Variants in MIB1 observed in about 807,000 individuals in gnomAD.
MIB1 encodes the protein MIB E3 ubiquitin protein ligase 1, also known as E3 ubiquitin-protein ligase MIB1.
Under a neutral mutation model 124.5 loss-of-function variants are expected in MIB1, and 278 were observed. The ratio of observed to expected loss-of-function variants is 2.23; its 90% CI spans 2.02 to 2.47. The LOEUF (loss-of-function observed/expected upper bound fraction) is 2.47, where lower values mean the gene tolerates loss of function less well. MIB1 is among the 30% of genes most tolerant of loss of function. MIB1 has a pLI of 0.00. For missense variants in MIB1, 957 were observed against 1,254.4 expected (o/e 0.76, Z 3.58); for synonymous variants, 446 against 429.4 (o/e 1.04, Z -0.48).
intron 11 of MIB1, among the ~76,000 whole-genome samples, chr18:21,818,052 A>G (rs935934369): frequency 2.3e-4 from 35 of 152,360 alleles, no homozygotes; most frequent in Admixed American, 2.6e-4. Context: ...GCTTGAAAAA[A>G]TGGTAGACTG....
intron 8 of MIB1, among the ~76,000 whole-genome samples, chr18:21,798,541 T>C (rs374323167): frequency 6.6e-6 from 1 of 152,172 alleles, no homozygotes; most frequent in East Asian, 1.9e-4. Flanking sequence ...TTCTACTCTT[T>C]AGTCAGAACT....
intron 1 of MIB1, among the ~76,000 whole-genome samples, chr18:21,747,270 G>A (rs1467702161): frequency 6.6e-6 from 1 of 152,202 alleles, no homozygotes; most frequent in Non-Finnish European, 1.5e-5. Flanking sequence ...AATAGTCCCT[G>A]TAGATTGCAG....
chr18:21,836,623 C>G (rs150431359), intron 12 of MIB1, among the ~76,000 whole-genome samples: 4 of 152,252 alleles, frequency 2.6e-5, no homozygotes, highest in Admixed American at 2.0e-4. Flanking sequence ...ACTACCATTC[C>G]TTTCAACATG....
intron 14 of MIB1, among the ~76,000 whole-genome samples, chr18:21,843,742 C>G (rs2042111407): frequency 6.6e-6 from 1 of 152,058 alleles, no homozygotes; most frequent in Non-Finnish European, 1.5e-5. Context: ...TGATTTGGTC[C>G]TGGTGGAAGT....
chr18:21,810,178 GA>G (rs1200819456), intron 10 of MIB1, among the ~76,000 whole-genome samples: 1 of 151,998 alleles, frequency 6.6e-6, no homozygotes, highest in Non-Finnish European at 1.5e-5. Flanking sequence ...ACTTAGGCAT[GA>G]ACTTAACGAA....
chr18:21,779,031 G>C (rs1375469244), intron 5 of MIB1, among the ~76,000 whole-genome samples: 1 of 152,000 alleles, frequency 6.6e-6, no homozygotes. Context: ...AAGCTCTTTA[G>C]GGCAAGAATC....
chr18:21,785,049 G>A (rs1190419670), intron 6 of MIB1, among the ~76,000 whole-genome samples: 4 of 152,100 alleles, frequency 2.6e-5, no homozygotes, highest in African/African-American at 9.7e-5. Flanking sequence ...TGATCTCTCC[G>A]AAAAATGCGT....
At chr18:21,750,112 A>C (rs548917376) in intron 1 of MIB1, among the ~76,000 whole-genome samples, 1 of 152,014 alleles carries the variant, frequency 6.6e-6, no homozygotes, top group African/African-American at 2.4e-5. Flanking sequence ...CAGTCTCTTT[A>C]ATTACTCCTG....
chr18:21,784,673 A>C (rs2041413323), intron 6 of MIB1, among the ~76,000 whole-genome samples: 1 of 152,200 alleles, frequency 6.6e-6, no homozygotes, highest in Non-Finnish European at 1.5e-5. Context: ...ATAGGAGCTG[A>C]AGGGACATGG....
At chr18:21,729,849 G>T (rs187810022) in intron 1 of MIB1, among the ~76,000 whole-genome samples, 2 of 152,302 alleles carry the variant, frequency 1.3e-5, no homozygotes, top group East Asian at 3.9e-4. Flanking sequence ...ACCTGCTAAA[G>T]ACTTTCTTCT....
chr18:21,854,274 G>A (rs959789373), intron 18 of MIB1, among the ~76,000 whole-genome samples: 1 of 152,112 alleles, frequency 6.6e-6, no homozygotes, highest in African/African-American at 2.4e-5. Context: ...AAATATTTTT[G>A]GCTTTGTAGG....
intron 6 of MIB1, among the ~76,000 whole-genome samples, chr18:21,783,782 T>C (rs2041399976): frequency 6.6e-6 from 1 of 152,006 alleles, no homozygotes; most frequent in African/African-American, 2.4e-5. Flanking sequence ...GGTCTCACTC[T>C]GTCATTCAGG....
chr18:21,745,244 A>G (rs2040898505), intron 1 of MIB1, among the ~76,000 whole-genome samples: 1 of 152,264 alleles, frequency 6.6e-6, no homozygotes, highest in East Asian at 1.9e-4. Flanking sequence ...ACGGTCTGTT[A>G]AAGTGCGGAA....
intron 1 of MIB1, among the ~76,000 whole-genome samples, chr18:21,709,287 C>T (rs546562929): frequency 3.7e-5 from 5 of 135,210 alleles, no homozygotes; most frequent in African/African-American, 8.7e-5. Context: ...CACTGCACTA[C>T]GGCCTGGGCG....
intron 1 of MIB1, among the ~76,000 whole-genome samples, chr18:21,724,772 A>ATATATG (rs1194295006): frequency 3.7e-5 from 4 of 107,752 alleles, no homozygotes; most frequent in Non-Finnish European, 5.6e-5. Flanking sequence ...ATATATATAT[A>ATATATG]TTAGTCTATA....
rs371733441 is a variant in MIB1, at chr18:21,838,264, A to AT, written c.1830-94dup. 8.3e-6 allele frequency: 6 copies of AT among 719,750 alleles called. No homozygotes were observed. The Admixed American group carries it at 1.0e-4, about 13-fold the overall frequency. The allele number at this position is 719,750 out of a possible 1,614,324, so 44.6% of individuals were successfully genotyped here. ...AGAATTTCTATTTGTCTCTAAGAGC[A>AT]TTTTTTTCTTTAAAGAGGAGTATCT... On this transcript the variant is annotated intron_variant, in intron 12 of 20. Coordinates refer to ENST00000261537, the MANE Select transcript of MIB1 (RefSeq NM_020774.4).
intron 6 of MIB1, among the ~76,000 whole-genome samples, chr18:21,789,069 G>T (rs2041471537): frequency 6.6e-6 from 1 of 152,136 alleles, no homozygotes; most frequent in Admixed American, 6.5e-5. Flanking sequence ...ACCATAGACT[G>T]GGTGGCTTAA....
At chr18:21,807,459 G>A (rs539694431) in intron 10 of MIB1, among the ~76,000 whole-genome samples, 1 of 152,184 alleles carries the variant, frequency 6.6e-6, no homozygotes, top group Non-Finnish European at 1.5e-5. Flanking sequence ...CAAGACTAAA[G>A]CAAAAGTTCA....
intron 1 of MIB1, among the ~76,000 whole-genome samples, chr18:21,743,870 A>G (rs2040883656): frequency 6.6e-6 from 1 of 152,186 alleles, no homozygotes; most frequent in Non-Finnish European, 1.5e-5. Flanking sequence ...GGGTGTATCT[A>G]TCATATTAAT....
Sources: allele counts gnomAD v4.1 joint callset (sites outside exome capture counted in the v4.1 genomes callset), GRCh38; gene constraint gnomAD v4.1.1; transcripts MANE v1.5; gene names NCBI Gene and HGNC (gene_info 2026-07-23, HGNC 2026-07-21).